Variants in ACOXL observed in about 807,000 individuals in gnomAD.
The protein encoded by ACOXL is acyl-coenzyme A oxidase-like protein.
In ACOXL, 70 loss-of-function variants were observed where a neutral mutation model predicts 71.9. The observed-to-expected ratio is 0.97, with a 90% CI of 0.80 to 1.19. The LOEUF is 1.19. ACOXL is among the 50% of genes most tolerant of loss of function. The pLI is 0.00. For missense variants in ACOXL, 703 were observed against 736.3 expected (o/e 0.95, Z 0.52); for synonymous variants, 253 against 281.6 (o/e 0.90, Z 1.02).
chr2:111,069,151 T>TC (rs1436669968), intron 16 of ACOXL, among the ~76,000 whole-genome samples: 1 of 151,140 alleles, frequency 6.6e-6, no homozygotes, highest in Non-Finnish European at 1.5e-5. Context: ...TTTTCTTTTT[T>TC]TTTTTTTTTT....
chr2:110,864,042 G>A (rs574122962), intron 10 of ACOXL, among the ~76,000 whole-genome samples: 1 of 151,976 alleles, frequency 6.6e-6, no homozygotes, highest in East Asian at 1.9e-4. Flanking sequence ...CCTTCACTCA[G>A]GCACAGAAGT....
At chr2:110,860,577 C>T (rs1693823599) in intron 10 of ACOXL, among the ~76,000 whole-genome samples, 1 of 152,182 alleles carries the variant, frequency 6.6e-6, no homozygotes, top group Admixed American at 6.5e-5. Flanking sequence ...CTTGCTGTCC[C>T]CAACTTGCTT....
In ACOXL at chr2:110,818,889, A is replaced by T. The variant is rs1269033337; in HGVS notation, c.753+13494A>T. Among the ~76,000 whole-genome samples, 3 of 65,202 alleles carry T rather than the reference A, an allele frequency of 4.6e-5. 1 individual carries two copies. Among genetic ancestry groups the T allele is most frequent in the African/African-American group, 1.0e-4 (3 of 29,986 alleles). 42.8% of individuals were successfully genotyped at this position (65,202 alleles called of 152,430 possible). A position where few individuals can be genotyped will look rare whatever the true frequency, so the allele number is the denominator to read the frequency against. Reference sequence around the variant, plus strand: ...ATCAGCCAAAGCTGACCTGGCTGCGATGCTGAAGCTAGAATTGGCCTGTTG... The same window carrying T: ...ATCAGCCAAAGCTGACCTGGCTGCGTTGCTGAAGCTAGAATTGGCCTGTTG... On this transcript the variant is annotated intron_variant, in intron 9 of 17. Coordinates refer to ENST00000439055, the MANE Select transcript of ACOXL (RefSeq NM_001142807.4).
intron 2 of ACOXL, among the ~76,000 whole-genome samples, chr2:110,780,923 A>G (rs1471183457): frequency 6.6e-6 from 1 of 151,984 alleles, no homozygotes; most frequent in African/African-American, 2.4e-5. Context: ...CCAGCTACTC[A>G]AGAGGCTGAG....
chr2:111,117,470 C>A, intron 17 of ACOXL, 146 bp from the exon 18 acceptor site: 1 of 834,706 alleles, frequency 1.2e-6, no homozygotes, highest in Non-Finnish European at 1.9e-6. Context: ...TTATTCATGG[C>A]CAACAGTTTC....
chr2:110,944,800 T>C (rs905450394), intron 12 of ACOXL, among the ~76,000 whole-genome samples: 1 of 152,250 alleles, frequency 6.6e-6, no homozygotes, highest in Admixed American at 6.5e-5. Context: ...AGTGCTGCCA[T>C]GAACATACGC....
Position 110,860,118 on chromosome 2 carries a change from G to C in ACOXL, c.788+18713G>C, listed in dbSNP as rs575614237. Among the ~76,000 whole-genome samples the C allele has an allele frequency of 2.0e-5, 3 of 152,138 alleles. No individual in the cohort carries two copies. In the South Asian group the frequency reaches 6.2e-4, roughly 32 times the overall value. On this transcript the variant is annotated intron_variant, in intron 10 of 17. Transcript: ENST00000439055. The stretch of plus-strand genomic sequence containing the variant: ...GGGTTGTCGCCTAAATAGCCTTTTT[G>C]TTTTTGTTTTGAGGTGGAGTCTTGC...
At chr2:110,916,496 A>G (rs1385231934) in intron 11 of ACOXL, among the ~76,000 whole-genome samples, 1 of 152,196 alleles carries the variant, frequency 6.6e-6, no homozygotes, top group African/African-American at 2.4e-5. Context: ...TCACAATTAA[A>G]AGAAGTAGAG....
chr2:110,966,680 A>G (rs928441639), intron 12 of ACOXL, among the ~76,000 whole-genome samples: 5 of 152,256 alleles, frequency 3.3e-5, no homozygotes, highest in South Asian at 4.2e-4. Context: ...CTCCTCCCCT[A>G]TTTTTAGCAG....
chr2:110,824,270 T>C (rs1259412065), intron 9 of ACOXL, among the ~76,000 whole-genome samples: 2 of 152,254 alleles, frequency 1.3e-5, no homozygotes, highest in African/African-American at 4.8e-5. Context: ...TACTATCATC[T>C]TGAAATAATC....
chr2:110,976,006 A>C (rs189534376), intron 12 of ACOXL, among the ~76,000 whole-genome samples: 1 of 152,300 alleles, frequency 6.6e-6, no homozygotes, highest in Non-Finnish European at 1.5e-5. Context: ...GTCAAATGAG[A>C]GAAATAGAAG....
intron 14 of ACOXL, among the ~76,000 whole-genome samples, chr2:111,008,917 T>C (rs1448654477): frequency 1.3e-5 from 2 of 152,214 alleles, no homozygotes; most frequent in African/African-American, 4.8e-5. Context: ...TCTGCTCATA[T>C]TATTTTCCCA....
At chr2:110,760,391 G>A (rs149378666) in intron 1 of ACOXL, among the ~76,000 whole-genome samples, 2 of 152,230 alleles carry the variant, frequency 1.3e-5, no homozygotes, top group African/African-American at 2.4e-5. Context: ...TGATCCGCCC[G>A]CCTCAGCCTC....
chr2:110,755,224 G>A (rs900369876), intron 1 of ACOXL, among the ~76,000 whole-genome samples: 1 of 152,086 alleles, frequency 6.6e-6, no homozygotes, highest in Non-Finnish European at 1.5e-5. Context: ...TCACATGTGA[G>A]GCCTGACTCC....
intron 15 of ACOXL, among the ~76,000 whole-genome samples, chr2:111,035,994 TA>T (rs1177444019): frequency 6.6e-6 from 1 of 152,238 alleles, no homozygotes; most frequent in African/African-American, 2.4e-5. Flanking sequence ...CAAGCTCAGA[TA>T]AACAAAATGC....
intron 8 of ACOXL, among the ~76,000 whole-genome samples, chr2:110,802,208 T>A (rs1427314139): frequency 6.6e-6 from 1 of 152,166 alleles, no homozygotes; most frequent in Non-Finnish European, 1.5e-5. Context: ...CATTTAGTTT[T>A]TTTTCCTTCC....
intron 1 of ACOXL, among the ~76,000 whole-genome samples, chr2:110,746,488 A>C (rs1457126649): frequency 1.3e-5 from 2 of 152,070 alleles, no homozygotes; most frequent in Admixed American, 6.5e-5. Flanking sequence ...TTACTTGTAA[A>C]TGGACAAGTA....
chr2:111,107,645 C>T lies in ACOXL; in HGVS notation c.1543-9971C>T, dbSNP rs374276050. 1.2e-3 allele frequency among the ~76,000 whole-genome samples: 180 copies of T among 152,292 alleles called. 4 individuals carry two copies. In the South Asian group the frequency reaches 0.026, roughly 22 times the overall value. On this transcript the variant is annotated intron_variant, in intron 17 of 17. Coordinates refer to ENST00000439055, the MANE Select transcript of ACOXL (RefSeq NM_001142807.4). Reference sequence around the variant, plus strand: ...CTGGGATTACAGGCATGTGCCTCCACGCCCAGCTAATTTTGTATTTTTAGT... The same window carrying T: ...CTGGGATTACAGGCATGTGCCTCCATGCCCAGCTAATTTTGTATTTTTAGT...
intron 16 of ACOXL, among the ~76,000 whole-genome samples, chr2:111,060,268 G>A (rs142815392): frequency 9.9e-4 from 151 of 152,262 alleles, no homozygotes; most frequent in African/African-American, 2.9e-3. Context: ...TCCCCACTGC[G>A]GTGGTGTCAG....
Sources: allele counts gnomAD v4.1 joint callset (sites outside exome capture counted in the v4.1 genomes callset), GRCh38; gene constraint gnomAD v4.1.1; transcripts MANE v1.5; gene names NCBI Gene and HGNC (gene_info 2026-07-23, HGNC 2026-07-21).